Variants in CDH13 observed in about 807,000 individuals in gnomAD.
CDH13 encodes cadherin-13.
In CDH13, 24 loss-of-function variants were observed where a neutral mutation model predicts 63.8. The observed-to-expected ratio is 0.38, with a 90% CI of 0.27 to 0.53. The LOEUF is 0.53. CDH13 is among the 20% of genes least tolerant of loss of function. CDH13 has a pLI of 0.85. For missense variants in CDH13, 1,049 were observed against 903.1 expected (o/e 1.16, Z -2.07); for synonymous variants, 503 against 355.3 (o/e 1.42, Z -4.67).
chr16:83,334,478 C>G lies in CDH13; in HGVS notation c.637-10384C>G, dbSNP rs942701791. Among the ~76,000 whole-genome samples, 3 of 151,696 alleles carry G rather than the reference C, an allele frequency of 2.0e-5. No homozygotes were observed. In the South Asian group the frequency reaches 6.3e-4, roughly 32 times the overall value. On this transcript the variant is annotated intron_variant, in intron 5 of 13. Transcript: ENST00000567109. ...CTTCAACCTTCCGGGCTCAAGTGATCCTCCTACCTCACCCTCCTGAGTAGC... is the reference window on the plus strand; with the variant it reads ...CTTCAACCTTCCGGGCTCAAGTGATGCTCCTACCTCACCCTCCTGAGTAGC...
intron 1 of CDH13, among the ~76,000 whole-genome samples, chr16:82,808,019 A>T (rs1741551944): frequency 6.6e-6 from 1 of 152,184 alleles, no homozygotes; most frequent in African/African-American, 2.4e-5. Context: ...CGCAGTTCTT[A>T]CTGAGCTCTA....
At chr16:82,807,773 A>G (rs1316821012) in intron 1 of CDH13, among the ~76,000 whole-genome samples, 2 of 152,210 alleles carry the variant, frequency 1.3e-5, no homozygotes, top group African/African-American at 2.4e-5. Context: ...GGAGCATTTT[A>G]TATGTGGAGG....
chr16:83,647,500 C>T (rs1157126753), intron 8 of CDH13, among the ~76,000 whole-genome samples: 3 of 152,086 alleles, frequency 2.0e-5, no homozygotes, highest in Admixed American at 2.0e-4. Flanking sequence ...ACACTCCCTT[C>T]CTACAACATA....
chr16:82,787,842 G>GTGTGTGTGTGTT (rs956751106), intron 1 of CDH13, among the ~76,000 whole-genome samples: 2 of 2,712 alleles, frequency 7.4e-4, no homozygotes, highest in African/African-American at 3.1e-3. Context: ...AAGGGAGGAA[G>GTGTGTGTGTGTT]TGTGTGTGTG....
intron 7 of CDH13, among the ~76,000 whole-genome samples, chr16:83,506,366 C>T (rs904248918): frequency 2.6e-5 from 4 of 152,192 alleles, no homozygotes; most frequent in African/African-American, 7.2e-5. Context: ...GACTCCTGCA[C>T]TCAAATCCCA....
At chr16:82,696,650 T>C (rs1473927353) in intron 1 of CDH13, among the ~76,000 whole-genome samples, 2 of 152,252 alleles carry the variant, frequency 1.3e-5, no homozygotes, top group Non-Finnish European at 2.9e-5. Context: ...ATTTCATTTA[T>C]GTCCCATGAT....
chr16:83,321,645 C>G (rs1218456863), intron 5 of CDH13, among the ~76,000 whole-genome samples: 1 of 151,316 alleles, frequency 6.6e-6, no homozygotes, highest in Admixed American at 6.6e-5. Flanking sequence ...TCTCCTGCCT[C>G]AGCCTCCTGA....
chr16:83,050,568 T>C (rs1427249821), intron 3 of CDH13, among the ~76,000 whole-genome samples: 1 of 152,224 alleles, frequency 6.6e-6, no homozygotes, highest in African/African-American at 2.4e-5. Flanking sequence ...ATTTCCTGTC[T>C]TGATTTTCCT....
intron 3 of CDH13, among the ~76,000 whole-genome samples, chr16:83,046,368 C>T (rs1215411236): frequency 6.6e-6 from 1 of 152,068 alleles, no homozygotes. Context: ...GTTTTTCTTC[C>T]AGCAGAAAAC....
chr16:83,444,795 A>C (rs1391613626), intron 6 of CDH13, among the ~76,000 whole-genome samples: 1 of 406 alleles, frequency 2.5e-3, no homozygotes, highest in African/African-American at 3.4e-3. Flanking sequence ...TTCTGTTCGA[A>C]ATGAAAATAT....
intron 11 of CDH13, among the ~76,000 whole-genome samples, chr16:83,773,784 G>T (rs1914919394): frequency 1.3e-5 from 2 of 152,148 alleles, no homozygotes; most frequent in Non-Finnish European, 2.9e-5. Flanking sequence ...CCCAGGGTGA[G>T]CATTAGTATA....
chr16:82,751,678 TGAGA>T (rs2034420904), intron 1 of CDH13, among the ~76,000 whole-genome samples: 2 of 149,308 alleles, frequency 1.3e-5, no homozygotes, highest in Non-Finnish European at 3.0e-5. Context: ...CATGACAGAT[TGAGA>T]GAAAGACCAT....
chr16:82,660,787 C>T (rs1219872131), intron 1 of CDH13, among the ~76,000 whole-genome samples: 5 of 152,086 alleles, frequency 3.3e-5, no homozygotes, highest in African/African-American at 1.2e-4. Context: ...TTTTCTTTCC[C>T]CCCTCGTTTT....
chr16:83,344,899 T>C lies in CDH13; in HGVS notation c.674T>C (p.Leu225Pro), dbSNP rs1408157947. The C allele has an allele frequency of 6.2e-7, 1 of 1,614,014 alleles. No homozygotes were observed. The highest frequency in any genetic ancestry group is 2.2e-5 in the East Asian group (1 of 44,884). Residue 225 changes from leucine to proline, a missense_variant, in exon 6 of 14, where the codon CTC (leucine) becomes CCC (proline). Physicochemically the swap from Leu to Pro is moderately conservative, Grantham distance 98 (BLOSUM62 -3). Coordinates refer to ENST00000567109, the MANE Select transcript of CDH13 (RefSeq NM_001257.5). ...VETTDVNGKTLEGPVPLEVIV... is the reference protein window; with the variant it reads ...VETTDVNGKTPEGPVPLEVIV... ...ACCACTGATGTCAATGGCAAAACTC[T>C]CGAGGGGCCGGTGCCTCTGGAAGTC...
intron 3 of CDH13, among the ~76,000 whole-genome samples, chr16:83,076,199 C>A (rs2032824197): frequency 6.6e-6 from 1 of 152,164 alleles, no homozygotes; most frequent in Non-Finnish European, 1.5e-5. Flanking sequence ...TTTACTCAGG[C>A]ACAAAGAGCT....
intron 2 of CDH13, among the ~76,000 whole-genome samples, chr16:82,916,562 A>G (rs1415125759): frequency 6.9e-6 from 1 of 144,740 alleles, no homozygotes; most frequent in African/African-American, 2.5e-5. Flanking sequence ...TGACAGGGTG[A>G]GACTCTGTCT....
At chr16:83,232,550 A>AAC (rs1195661649) in intron 5 of CDH13, among the ~76,000 whole-genome samples, 17 of 125,200 alleles carry the variant, frequency 1.4e-4, no homozygotes, top group African/African-American at 5.1e-4. Flanking sequence ...AACAACAAAC[A>AAC]AACAAAAAAA....
intron 5 of CDH13, among the ~76,000 whole-genome samples, chr16:83,251,030 C>G (rs904205053): frequency 2.0e-5 from 3 of 151,992 alleles, no homozygotes; most frequent in Admixed American, 6.5e-5. Context: ...ATCCCCCAGC[C>G]AACCTTCTCC....
intron 4 of CDH13, among the ~76,000 whole-genome samples, chr16:83,166,874 A>G (rs1364781458): frequency 6.6e-6 from 1 of 152,174 alleles, no homozygotes; most frequent in Non-Finnish European, 1.5e-5. Context: ...ACATTTTTGC[A>G]GTGTTGCAAA....
Sources: gnomAD v4.1 joint callset for allele counts (sites outside exome capture counted in the v4.1 genomes callset) on GRCh38, gnomAD v4.1.1 for gene constraint, MANE v1.5 for transcripts, NCBI Gene and HGNC (gene_info 2026-07-23, HGNC 2026-07-21) for gene names.